Variants in ATP8A1 observed in about 807,000 individuals in gnomAD.
ATP8A1 encodes the protein ATPase phospholipid transporting 8A1, also known as phospholipid-transporting ATPase IA.
A neutral mutation model predicts 177.7 loss-of-function variants in ATP8A1; 90 were observed. That is an observed-to-expected ratio of 0.51 (90% CI 0.43 to 0.60). The LOEUF is 0.60. Ranked by LOEUF, ATP8A1 falls within the 20% of genes least tolerant of loss-of-function variation. The pLI is 0.00. For synonymous variants in ATP8A1, 493 were observed against 485.9 expected, an observed-to-expected ratio of 1.01 and a Z score of -0.19; for missense variants, 1,072 against 1,392.8, an observed-to-expected ratio of 0.77 and a Z score of 3.67.
At chr4:42,655,865 G>C (rs1358417971) in intron 1 of ATP8A1, among the ~76,000 whole-genome samples, 1 of 152,202 alleles carries the variant, frequency 6.6e-6, no homozygotes, top group Non-Finnish European at 1.5e-5. Flanking sequence ...GATGGAGGTG[G>C]GGAGGAAGAG....
intron 33 of ATP8A1, 92 bp downstream of exon 33, chr4:42,443,473 C>T (rs1716854689): frequency 1.6e-6 from 1 of 609,716 alleles, no homozygotes; most frequent in Non-Finnish European, 3.0e-6. Context: ...TATAAATCAA[C>T]AAGATGGAAA....
chr4:42,651,631 TA>T (rs1741105983), intron 1 of ATP8A1, among the ~76,000 whole-genome samples: 1 of 152,188 alleles, frequency 6.6e-6, no homozygotes. Flanking sequence ...CAATGCAAAA[TA>T]AGCATTAGTT....
chr4:42,509,801 G>A (rs1280058114), intron 22 of ATP8A1, among the ~76,000 whole-genome samples: 1 of 139,620 alleles, frequency 7.2e-6, no homozygotes, highest in Non-Finnish European at 1.5e-5. Flanking sequence ...GCGGTAAGCC[G>A]AGATCAAGCC....
chr4:42,416,853 A>T (rs181777673), intron 35 of ATP8A1, among the ~76,000 whole-genome samples: 7 of 152,190 alleles, frequency 4.6e-5, no homozygotes, highest in Non-Finnish European at 8.8e-5. Context: ...TTTATTATAA[A>T]AAATCAACTA....
At chr4:42,432,419 A>G (rs779116097) in intron 33 of ATP8A1, among the ~76,000 whole-genome samples, 2 of 152,172 alleles carry the variant, frequency 1.3e-5, no homozygotes, top group Non-Finnish European at 2.9e-5. Context: ...ATCAAAATCA[A>G]CTCTGCTTTC....
chr4:42,492,901 C>A (rs1319158743), intron 24 of ATP8A1, among the ~76,000 whole-genome samples: 1 of 152,204 alleles, frequency 6.6e-6, no homozygotes, highest in Non-Finnish European at 1.5e-5. Flanking sequence ...TCTGTTTTTA[C>A]TTCCCTTCCT....
intron 1 of ATP8A1, among the ~76,000 whole-genome samples, chr4:42,635,762 C>T (rs2612517): frequency 0.52 from 37,414 of 72,424 alleles, 8,697 homozygotes; most frequent in Middle Eastern, 0.56. Context: ...TATACACACA[C>T]ACACACACAC....
intron 14 of ATP8A1, among the ~76,000 whole-genome samples, chr4:42,573,935 A>C (rs978178829): frequency 6.6e-6 from 1 of 152,088 alleles, no homozygotes; most frequent in Non-Finnish European, 1.5e-5. Flanking sequence ...AGAGTGTTTC[A>C]CCTTTTGATG....
intron 24 of ATP8A1, among the ~76,000 whole-genome samples, chr4:42,490,630 C>G (rs747567435): frequency 5.3e-5 from 8 of 152,280 alleles, no homozygotes; most frequent in Non-Finnish European, 1.2e-4. Context: ...GGGGTAACAC[C>G]TGCCTTCTCA....
intron 1 of ATP8A1, among the ~76,000 whole-genome samples, chr4:42,650,065 C>G (rs559684944): frequency 2.0e-5 from 3 of 152,240 alleles, no homozygotes; most frequent in African/African-American, 4.8e-5. Flanking sequence ...GAATAGAGAC[C>G]CACGCAGCAA....
At chr4:42,489,688 A>C (rs1722552417) in intron 24 of ATP8A1, among the ~76,000 whole-genome samples, 1 of 152,166 alleles carries the variant, frequency 6.6e-6, no homozygotes. Context: ...GAGTATTTTC[A>C]AATTCTTTTA....
intron 5 of ATP8A1, among the ~76,000 whole-genome samples, chr4:42,608,359 TATC>T (rs201765848): frequency 6.5e-4 from 92 of 141,218 alleles, no homozygotes; most frequent in Middle Eastern, 3.6e-3. Context: ...CGGGCAATAA[TATC>T]ATTTTTTTTT....
chr4:42,549,833 T>G (rs73235600), intron 18 of ATP8A1, among the ~76,000 whole-genome samples: 23,815 of 151,750 alleles, frequency 0.16, 2,006 homozygotes, highest in East Asian at 0.26. Flanking sequence ...AACACAAAAT[T>G]TAAAAAACAA....
rs1326533820 is a variant in ATP8A1, at chr4:42,410,065, G to A, written c.*2851C>T. ...TCTCACATTAGAGCACAGAGTGGAG[G>A]TGGGAGGACGGGAAGTACATATATC... On this transcript the variant is annotated 3_prime_UTR_variant, in exon 37 of 37. Transcript: ENST00000381668. The A allele has an allele frequency of 6.6e-6, 1 of 152,192 alleles. No individual in the cohort carries two copies. Among genetic ancestry groups the A allele is most frequent in the African/African-American group, 2.4e-5 (1 of 41,448 alleles). 9.4% of individuals were successfully genotyped at this position (152,192 alleles called of 1,614,324 possible).
intron 4 of ATP8A1, among the ~76,000 whole-genome samples, chr4:42,618,830 C>T (rs1460021738): frequency 6.6e-6 from 1 of 152,128 alleles, no homozygotes; most frequent in African/African-American, 2.4e-5. Flanking sequence ...TCTACCATAC[C>T]TGCTGAGTCT....
intron 18 of ATP8A1, among the ~76,000 whole-genome samples, chr4:42,550,417 C>A (rs4395543): frequency 0.73 from 110,922 of 152,034 alleles, 40,730 homozygotes; most frequent in East Asian, 0.87. Context: ...GCATTTTGTT[C>A]CAAGTCTTTT....
chr4:42,447,334 C>T (rs1051992937), intron 30 of ATP8A1, among the ~76,000 whole-genome samples: 2 of 151,956 alleles, frequency 1.3e-5, no homozygotes, highest in Admixed American at 6.6e-5. Flanking sequence ...AGGTGTGCGC[C>T]CCCATGCCCA....
At chr4:42,633,291 T>C (rs1738938191) in intron 1 of ATP8A1, among the ~76,000 whole-genome samples, 1 of 152,196 alleles carries the variant, frequency 6.6e-6, no homozygotes, top group Non-Finnish European at 1.5e-5. Context: ...CACAGTACAA[T>C]GTAACAGAGG....
chr4:42,501,784 T>C (rs958083737), intron 24 of ATP8A1, among the ~76,000 whole-genome samples: 3 of 152,092 alleles, frequency 2.0e-5, no homozygotes, highest in African/African-American at 7.2e-5. Context: ...GAGAAACAAA[T>C]GAGTACACTG....
Sources: gnomAD v4.1 joint callset for allele counts (sites outside exome capture counted in the v4.1 genomes callset) on GRCh38, gnomAD v4.1.1 for gene constraint, MANE v1.5 for transcripts, NCBI Gene and HGNC (gene_info 2026-07-23, HGNC 2026-07-21) for gene names.